The following HTN1 variants were observed in gnomAD, a reference collection of about 807,000 sequenced individuals.
HTN1 encodes histatin 1, also known as histatin-1.
HTN1 carries 18 observed loss-of-function variants against 11.2 expected under a neutral mutation model. That is an observed-to-expected ratio of 1.61 (90% CI 1.12 to 2.39). HTN1 has a LOEUF of 2.39. Ranked by LOEUF, HTN1 falls within the 30% of genes most tolerant of loss-of-function variation. The pLI is 0.00. For synonymous variants in HTN1, 21 were observed against 20.5 expected (o/e 1.02, Z -0.07); for missense variants, 80 against 67.2 (o/e 1.19, Z -0.67).
intron 2 of HTN1, 39 bp from the exon 3 acceptor site, chr4:70,054,283 T>G: frequency 8.2e-7 from 1 of 1,224,600 alleles, no homozygotes. Context: ...ATTATAAAAT[T>G]AAAATATTAA....
At chr4:70,050,837 C>T (rs1450104246) in intron 1 of HTN1, among the ~76,000 whole-genome samples, 4 of 151,970 alleles carry the variant, frequency 2.6e-5, no homozygotes, top group Non-Finnish European at 5.9e-5. Context: ...CATTGGTAAA[C>T]GTGTGCCATG....
At position 70,053,128 on chromosome 4, in the gene HTN1, G is replaced by C; in HGVS notation, c.51+1G>C. ...CTTGGCTCTCATGATTTCCATGATT[G>C]TAAGTATATCTGGAAATTTTAAATA... On this transcript the variant is annotated splice_donor_variant, in intron 2 of 5. Transcript: ENST00000246896. LOFTEE classifies it high-confidence loss of function. The C allele has an allele frequency of 6.3e-7, 1 of 1,596,112 alleles. No homozygotes were observed. The highest frequency in any genetic ancestry group is 8.6e-7 in the Non-Finnish European group (1 of 1,164,110).
chr4:70,054,915 T>C (rs1725993702), intron 4 of HTN1, among the ~76,000 whole-genome samples: 1 of 152,016 alleles, frequency 6.6e-6, no homozygotes, highest in African/African-American at 2.4e-5. Flanking sequence ...TGTATGTATA[T>C]AAAGTCTCAT....
chr4:70,055,554 T>C lies in HTN1; in HGVS notation c.159T>C (p.Tyr53=). 4 of 1,576,800 alleles carry C rather than the reference T, an allele frequency of 2.5e-6. No homozygotes were observed. The highest frequency in any genetic ancestry group is 3.5e-6 in the Non-Finnish European group (4 of 1,147,056). ...FPFYGDYGSN[Y]LYDN ...TTTATGGGGACTATGGATCAAATTA[T>C]CTATATGACAATTGATATCCTTAGT... The change falls in exon 5 of 6, where the codon TAT becomes TAC. Residue 53 remains tyrosine, a synonymous_variant. Transcript: ENST00000246896.
chr4:70,055,794 A>G (rs910543445), intron 5 of HTN1, 192 bp downstream of exon 5: 69 of 432,596 alleles, frequency 1.6e-4, no homozygotes, highest in African/African-American at 1.4e-3. Context: ...GTTCTGTGCC[A>G]TTGGTCTGTA....
intron 1 of HTN1, 182 bp from the exon 2 acceptor site, chr4:70,052,882 T>G (rs1578183015): frequency 4.0e-6 from 2 of 499,774 alleles, no homozygotes; most frequent in Non-Finnish European, 7.3e-6. Context: ...GAGGCTAAGG[T>G]GGGAGGATGG....
At chr4:70,052,397 C>CACA (rs1348183087) in intron 1 of HTN1, among the ~76,000 whole-genome samples, 1 of 152,112 alleles carries the variant, frequency 6.6e-6, no homozygotes, top group African/African-American at 2.4e-5. Context: ...CCTGTAGTGT[C>CACA]ACAACAACCT....
At chr4:70,058,225 T>A (rs1448543080) in intron 5 of HTN1, 1 of 152,254 alleles carries the variant, frequency 6.6e-6, no homozygotes, top group East Asian at 1.9e-4. Context: ...ATCCTCCAGG[T>A]GTTAGATAAT....
intron 2 of HTN1, 149 bp from the exon 3 acceptor site, chr4:70,054,173 T>C (rs1725972689): frequency 4.0e-6 from 2 of 504,132 alleles, no homozygotes; most frequent in East Asian, 6.8e-5. Flanking sequence ...GAAGATGTCA[T>C]AAAGCTAAAA....
At chr4:70,055,654 T>TA (rs1299173893) in intron 5 of HTN1, 52 bp downstream of exon 5, 285 of 796,284 alleles carry the variant, frequency 3.6e-4, no homozygotes, top group Middle Eastern at 1.4e-3. Context: ...ACTGACAGTT[T>TA]AAAAAAAAAG....
intron 5 of HTN1, chr4:70,057,189 T>G (rs748039136): frequency 6.6e-6 from 1 of 152,188 alleles, no homozygotes; most frequent in East Asian, 1.9e-4. Context: ...ATATACACCA[T>G]GGAGTACTAT....
chr4:70,052,799 A>G (rs996840620), intron 1 of HTN1: 32 of 281,354 alleles, frequency 1.1e-4, no homozygotes, highest in Non-Finnish European at 1.7e-4. Context: ...CTACTAAAAA[A>G]AAAAAAAAGA....
chr4:70,056,761 A>T (rs1726053355), intron 5 of HTN1: 1 of 152,218 alleles, frequency 6.6e-6, no homozygotes, highest in African/African-American at 2.4e-5. Flanking sequence ...GAAGACATTC[A>T]TGCAGCCAAC....
intron 5 of HTN1, 84 bp from the exon 6 acceptor site, chr4:70,058,496 C>CA: frequency 6.6e-6 from 1 of 152,196 alleles, no homozygotes; most frequent in South Asian, 2.1e-4. Flanking sequence ...TCTATAAATA[C>CA]ATACTTTCTG....
intron 4 of HTN1, 46 bp downstream of exon 4, chr4:70,054,496 C>G (rs772292651): frequency 3.2e-5 from 39 of 1,220,162 alleles, no homozygotes; most frequent in Non-Finnish European, 4.1e-5. Context: ...ATTTTCCTCT[C>G]TGACTATTTA....
chr4:70,057,969 G>A lies in HTN1; in HGVS notation c.*34-611G>A, dbSNP rs540556514. On this transcript the variant is annotated intron_variant, in intron 5 of 5. Coordinates refer to ENST00000246896, the MANE Select transcript of HTN1 (RefSeq NM_002159.4). ...GGGAATTTTCAAGGAAATAGAAAAT[G>A]GTAACAATTTCCTTTTCATAAAGTC... The A allele has an allele frequency of 2.6e-5, 4 of 152,168 alleles. No individual in the cohort carries two copies. In the South Asian group the frequency reaches 6.2e-4, roughly 24 times the overall value. The allele number at this position is 152,168 out of a possible 1,614,324, so 9.4% of individuals were successfully genotyped here.
chr4:70,053,194 T>G (rs1725944349), intron 2 of HTN1, 67 bp downstream of exon 2: 1 of 1,051,398 alleles, frequency 9.5e-7, no homozygotes, highest in South Asian at 1.3e-5. Context: ...CTCTTATTCC[T>G]TGTGTTCTGG....
chr4:70,057,656 A>G (rs1202210682), intron 5 of HTN1: 1 of 152,154 alleles, frequency 6.6e-6, no homozygotes, highest in Non-Finnish European at 1.5e-5. Context: ...TTTCTAATCG[A>G]CAAATACATA....
chr4:70,058,123 T>C (rs1178103575), intron 5 of HTN1: 1 of 152,184 alleles, frequency 6.6e-6, no homozygotes, highest in African/African-American at 2.4e-5. Context: ...GCTGAAATAG[T>C]TCAAAAGGTG....
Sources: gnomAD v4.1 joint callset for allele counts (sites outside exome capture counted in the v4.1 genomes callset) on GRCh38, gnomAD v4.1.1 for gene constraint, MANE v1.5 for transcripts, NCBI Gene and HGNC (gene_info 2026-07-23, HGNC 2026-07-21) for gene names.